PRPSAP2: variants seen among roughly 807,000 people sequenced by gnomAD.
PRPSAP2 encodes the protein phosphoribosyl pyrophosphate synthase-associated protein 2.
A neutral mutation model predicts 40.6 loss-of-function variants in PRPSAP2; 24 were observed. The observed-to-expected ratio is 0.59, with a 90% CI of 0.43 to 0.83. PRPSAP2 has a LOEUF of 0.83. Among genes scored for constraint, PRPSAP2 ranks in the 40% least tolerant of loss-of-function variants. The probability of loss-of-function intolerance (pLI) is 0.00; values close to 1 mark genes in which losing one functional copy is unlikely to be tolerated. For missense variants in PRPSAP2, 292 were observed against 465.6 expected, an observed-to-expected ratio of 0.63 and a Z score of 3.43; for synonymous variants, 149 against 164.7, an observed-to-expected ratio of 0.90 and a Z score of 0.73.
chr17:18,875,211 T>C (rs890885576), intron 5 of PRPSAP2, among the ~76,000 whole-genome samples: 6 of 152,192 alleles, frequency 3.9e-5, no homozygotes, highest in African/African-American at 1.2e-4. Context: ...TTCTCAGTCT[T>C]GTCCATGTTG....
At chr17:18,917,310 G>A (rs995483772) in intron 9 of PRPSAP2, 1 of 151,706 alleles carries the variant, frequency 6.6e-6, no homozygotes, top group Admixed American at 6.6e-5. Flanking sequence ...AATGTGACTC[G>A]AAGTGGTTAC....
At chr17:18,918,417 C>T (rs1041039770) in intron 9 of PRPSAP2, among the ~76,000 whole-genome samples, 7 of 152,190 alleles carry the variant, frequency 4.6e-5, no homozygotes, top group African/African-American at 1.4e-4. Flanking sequence ...AGTGGTGAGA[C>T]GTTCAGTGAT....
At chr17:18,875,472 C>T (rs529314946) in intron 5 of PRPSAP2, among the ~76,000 whole-genome samples, 4 of 151,134 alleles carry the variant, frequency 2.6e-5, no homozygotes, top group Admixed American at 6.6e-5. Flanking sequence ...GGCTGAGGCA[C>T]GAGAATTGCT....
chr17:18,903,258 G>C (rs1357467055), intron 8 of PRPSAP2, among the ~76,000 whole-genome samples: 2 of 148,922 alleles, frequency 1.3e-5, no homozygotes, highest in African/African-American at 2.6e-5. Context: ...GTTGCGGTGA[G>C]CCCAGATCGT....
At chr17:18,861,565 C>T (rs1445899312) in intron 1 of PRPSAP2, 1 of 152,034 alleles carries the variant, frequency 6.6e-6, no homozygotes, top group Non-Finnish European at 1.5e-5. Context: ...ATAGTCATTT[C>T]CAAGTGGATG....
intron 1 of PRPSAP2, among the ~76,000 whole-genome samples, chr17:18,864,552 A>G (rs2037291909): frequency 1.3e-5 from 2 of 152,030 alleles, no homozygotes; most frequent in Non-Finnish European, 2.9e-5. Flanking sequence ...TGGCCTCCCA[A>G]AGTGCTGGGA....
chr17:18,899,950 T>C (rs1394522500), intron 8 of PRPSAP2, among the ~76,000 whole-genome samples: 1 of 151,966 alleles, frequency 6.6e-6, no homozygotes, highest in Non-Finnish European at 1.5e-5. Context: ...ACAGTGGTGT[T>C]ATCACAGCTC....
chr17:18,924,369 G>C (rs1030958283), intron 10 of PRPSAP2, among the ~76,000 whole-genome samples: 1 of 152,136 alleles, frequency 6.6e-6, no homozygotes, highest in African/African-American at 2.4e-5. Flanking sequence ...GGCATATAAA[G>C]GCCTAAGGAT....
chr17:18,922,667 AATTTTT>A (rs2041751694), intron 9 of PRPSAP2, among the ~76,000 whole-genome samples: 1 of 123,306 alleles, frequency 8.1e-6, no homozygotes, highest in Non-Finnish European at 1.7e-5. Flanking sequence ...ATATATATAT[AATTTTT>A]TTTTTTTTTT....
chr17:18,912,009 C>G (rs547230438), intron 9 of PRPSAP2, among the ~76,000 whole-genome samples: 90 of 152,220 alleles, frequency 5.9e-4, no homozygotes, highest in African/African-American at 1.9e-3. Flanking sequence ...ATGGAGAAAC[C>G]CCCTCTCTAC....
chr17:18,893,904 TG>T (rs1457766316), intron 8 of PRPSAP2, among the ~76,000 whole-genome samples: 2 of 152,018 alleles, frequency 1.3e-5, no homozygotes, highest in Non-Finnish European at 2.9e-5. Flanking sequence ...GTTTCACTCT[TG>T]TTGCCCGGGC....
At chr17:18,863,831 C>CTTTTTTTTTTTTTTTTTT (rs34770102) in intron 1 of PRPSAP2, among the ~76,000 whole-genome samples, 1 of 86,052 alleles carries the variant, frequency 1.2e-5, no homozygotes, top group African/African-American at 5.0e-5. Flanking sequence ...ACTGCGTGGC[C>CTTTTTTTTTTTTTTTTTT]TTTTTTTTTT....
At position 18,875,043 on chromosome 17, in the gene PRPSAP2, G is replaced by C. The variant is rs181461066; in HGVS notation, c.239+2394G>C. 1.3e-5 allele frequency among the ~76,000 whole-genome samples: 2 copies of C among 152,190 alleles called. 1 individual carries two copies. Among genetic ancestry groups the C allele is most frequent in the East Asian group, 3.9e-4 (2 of 5,180 alleles). Reference sequence around the variant, plus strand: ...ATCCTTCTCATTTTCAAGTCCTTCTGGTTGTTTATTTTTGTACATTTCAAT... The same window carrying C: ...ATCCTTCTCATTTTCAAGTCCTTCTCGTTGTTTATTTTTGTACATTTCAAT... On this transcript the variant is annotated intron_variant, in intron 5 of 11. Transcript: ENST00000268835.
At chr17:18,902,738 G>A (rs28488952) in intron 8 of PRPSAP2, among the ~76,000 whole-genome samples, 1,804 of 151,856 alleles carry the variant, frequency 0.012, 35 homozygotes, top group African/African-American at 0.042. Flanking sequence ...GCATGGTGGC[G>A]CACGCCTGTA....
intron 9 of PRPSAP2, among the ~76,000 whole-genome samples, chr17:18,919,910 C>G (rs1229935672): frequency 6.6e-6 from 1 of 152,114 alleles, no homozygotes; most frequent in Non-Finnish European, 1.5e-5. Flanking sequence ...TGAGATAGAG[C>G]CAGGGTTCAG....
intron 4 of PRPSAP2, among the ~76,000 whole-genome samples, chr17:18,872,317 C>T (rs1423312456): frequency 2.0e-5 from 3 of 151,440 alleles, no homozygotes; most frequent in African/African-American, 7.3e-5. Context: ...TGGTACAGCA[C>T]TCAACTGTTT....
At chr17:18,908,299 C>CCT in intron 8 of PRPSAP2, 1 of 776,408 alleles carries the variant, frequency 1.3e-6, no homozygotes, top group Admixed American at 1.7e-5. Context: ...CTCATGAGGA[C>CCT]CATGATACTT....
chr17:18,868,468 G>T (rs1327704737), intron 4 of PRPSAP2, among the ~76,000 whole-genome samples: 2 of 150,390 alleles, frequency 1.3e-5, no homozygotes, highest in Non-Finnish European at 3.0e-5. Context: ...ACAAGAGCGA[G>T]ACTTTGTCTC....
chr17:18,924,247 C>A (rs2041849566), intron 10 of PRPSAP2, among the ~76,000 whole-genome samples: 2 of 152,120 alleles, frequency 1.3e-5, no homozygotes, highest in African/African-American at 4.8e-5. Context: ...ACCATGTTGG[C>A]CAGGCTGGTC....
Sources: allele counts gnomAD v4.1 joint callset (sites outside exome capture counted in the v4.1 genomes callset), GRCh38; gene constraint gnomAD v4.1.1; transcripts MANE v1.5; gene names NCBI Gene and HGNC (gene_info 2026-07-23, HGNC 2026-07-21).